The following CLASP2 variants were observed in gnomAD, a reference collection of about 807,000 sequenced individuals.
The protein encoded by CLASP2 is cytoplasmic linker associated protein 2, also known as CLIP-associating protein 2.
CLASP2 carries 47 observed loss-of-function variants against 194.4 expected under a neutral mutation model. That is an observed-to-expected ratio of 0.24 (90% CI 0.19 to 0.31). The LOEUF (loss-of-function observed/expected upper bound fraction) is 0.31. Ranked by LOEUF, CLASP2 falls within the 10% of genes least tolerant of loss-of-function variation. CLASP2 has a pLI of 1.00. For synonymous variants in CLASP2, 619 were observed against 633.5 expected (o/e 0.98, Z 0.34); for missense variants, 1,445 against 1,823.6 (o/e 0.79, Z 3.78).
At chr3:33,599,183 G>C (rs1356356050) in intron 18 of CLASP2, among the ~76,000 whole-genome samples, 1 of 152,094 alleles carries the variant, frequency 6.6e-6, no homozygotes, top group African/African-American at 2.4e-5. Context: ...GAAGTGCAGT[G>C]GTGTGATCAC....
Position 33,498,198 on chromosome 3 carries a change from A to G in CLASP2, c.*433T>C, listed in dbSNP as rs1425537569. The G allele has an allele frequency of 1.3e-5, 2 of 153,760 alleles. No individual in the cohort carries two copies. Among genetic ancestry groups the G allele is most frequent in the Non-Finnish European group, 2.9e-5 (2 of 69,004 alleles). The allele number at this position is 153,760 out of a possible 1,614,324, so 9.5% of individuals were successfully genotyped here. On this transcript the variant is annotated 3_prime_UTR_variant, in exon 39 of 39. Coordinates refer to ENST00000682230, the MANE Select transcript of CLASP2 (RefSeq NM_001365631.1). ...TAGGACATGATACGAAACAAAACTC[A>G]AAGTAGCAATAAAAATATTATTCTG...
intron 9 of CLASP2, chr3:33,627,331 A>C: frequency 2.4e-6 from 1 of 420,932 alleles, no homozygotes; most frequent in East Asian, 4.8e-5. Flanking sequence ...AATGCTTTGT[A>C]ATTTTAAAAA....
chr3:33,613,629 GAAT>G (rs1317137040), intron 12 of CLASP2, among the ~76,000 whole-genome samples: 2 of 152,190 alleles, frequency 1.3e-5, no homozygotes, highest in Admixed American at 1.3e-4. Flanking sequence ...TTGAAGATGA[GAAT>G]AATGCAAGAA....
chr3:33,523,142 G>T (rs1173301709), intron 34 of CLASP2, among the ~76,000 whole-genome samples: 2 of 152,104 alleles, frequency 1.3e-5, no homozygotes, highest in African/African-American at 4.8e-5. Context: ...ATTTGAGCAG[G>T]CAAAAGAATT....
chr3:33,589,637 A>G (rs185634426), intron 21 of CLASP2, among the ~76,000 whole-genome samples: 41 of 152,300 alleles, frequency 2.7e-4, no homozygotes, highest in Middle Eastern at 3.4e-3. Context: ...TTCTAATCTT[A>G]AAGTCCTATT....
chr3:33,645,608 C>T (rs1319744376), intron 7 of CLASP2: 1 of 317,294 alleles, frequency 3.2e-6, no homozygotes, highest in Non-Finnish European at 5.7e-6. Context: ...TATTCTATAT[C>T]AAAATTTCAA....
chr3:33,617,184 G>T (rs1337514274), intron 12 of CLASP2, among the ~76,000 whole-genome samples: 1 of 151,526 alleles, frequency 6.6e-6, no homozygotes, highest in Non-Finnish European at 1.5e-5. Flanking sequence ...TTTAAAATAT[G>T]AAAATAGTGA....
chr3:33,540,257 G>C, intron 32 of CLASP2, among the ~76,000 whole-genome samples: 2 of 104,848 alleles, frequency 1.9e-5, no homozygotes, highest in South Asian at 6.0e-4. Flanking sequence ...TTTTTTTTAA[G>C]GGACAGGGTC....
At chr3:33,627,170 ATTAAGT>A (rs58744671) in intron 9 of CLASP2, 90 bp from the exon 10 acceptor site, 208,825 of 748,506 alleles carry the variant, frequency 0.28, 31,098 homozygotes, top group Admixed American at 0.42. Flanking sequence ...TCTTTCACCT[ATTAAGT>A]TTATTTCCCA....
intron 23 of CLASP2, 83 bp from the exon 24 acceptor site, chr3:33,576,358 AG>A (rs1370668086): frequency 3.0e-6 from 3 of 1,004,944 alleles, no homozygotes; most frequent in Non-Finnish European, 4.5e-6. Flanking sequence ...AGACCTTTAC[AG>A]GGGAAGGAAA....
rs574484545 is a variant in CLASP2, at chr3:33,666,415, A to G, written c.645-2900T>C. 9.2e-5 allele frequency among the ~76,000 whole-genome samples: 14 copies of G among 152,316 alleles called. 1 individual carries two copies. The highest frequency in any genetic ancestry group is 6.8e-3 in the Middle Eastern group (2 of 294). ...AATCTACTTCCTTTCTCTAAAGACT[A>G]TATCTAGCCTATGAGTTGCCATATC... On this transcript the variant is annotated intron_variant, in intron 6 of 38. Transcript: ENST00000682230.
intron 7 of CLASP2, among the ~76,000 whole-genome samples, chr3:33,649,652 G>A (rs1357170903): frequency 1.3e-5 from 2 of 152,188 alleles, no homozygotes; most frequent in Non-Finnish European, 2.9e-5. Flanking sequence ...AAAGGGAACA[G>A]AATTCAAAAC....
intron 37 of CLASP2, 127 bp downstream of exon 37, chr3:33,510,425 AGTCTTT>A (rs1311728736): frequency 1.3e-6 from 1 of 782,152 alleles, no homozygotes; most frequent in African/African-American, 1.7e-5. Flanking sequence ...AGTTATGAAA[AGTCTTT>A]GTCCTGAATA....
intron 29 of CLASP2, 84 bp downstream of exon 29, chr3:33,559,223 T>C: frequency 1.1e-6 from 1 of 923,654 alleles, no homozygotes; most frequent in Non-Finnish European, 1.7e-6. Flanking sequence ...GCTTCTCATG[T>C]GACAGAAATA....
At chr3:33,504,036 T>C (rs2047479136) in intron 37 of CLASP2, 1 of 152,224 alleles carries the variant, frequency 6.6e-6, no homozygotes, top group South Asian at 2.1e-4. Context: ...CCTTTTGCTG[T>C]TGAGTTATAA....
In CLASP2 at chr3:33,510,688, C is replaced by G. The variant is rs1450641539; in HGVS notation, c.4187G>C (p.Cys1396Ser). 8 of 1,613,646 alleles carry G rather than the reference C, an allele frequency of 5.0e-6. No homozygotes were observed. Among genetic ancestry groups the G allele is most frequent in the Non-Finnish European group, 6.8e-6 (8 of 1,179,776 alleles). Residue 1396 changes from cysteine (C) to serine (S), a missense_variant, in exon 37 of 39, where the codon TGT becomes TCT. Physicochemically the swap from Cys to Ser is moderately radical, Grantham distance 112. This residue lies in a region of CLASP2 where 732 missense variants were observed against 987.9 expected (regional missense o/e 0.74). Coordinates refer to ENST00000682230, the MANE Select transcript of CLASP2 (RefSeq NM_001365631.1). ...GTAGTCTGCAGTTTGAATGATAGGA[C>G]AAAGCACTTTGATGCACTGCTCTGG... is the stretch of plus-strand genomic sequence containing the variant. Reference protein sequence around the residue: ...ISPEQCIKVLCPIIQTADYPI... With the variant: ...ISPEQCIKVLSPIIQTADYPI...
chr3:33,506,389 A>G (rs1427076252), intron 37 of CLASP2, among the ~76,000 whole-genome samples: 2 of 139,848 alleles, frequency 1.4e-5, no homozygotes, highest in Non-Finnish European at 3.0e-5. Context: ...AAAAAAAAAA[A>G]AAAAAAAAAA....
intron 7 of CLASP2, among the ~76,000 whole-genome samples, chr3:33,656,941 T>C (rs917388175): frequency 7.2e-5 from 11 of 152,172 alleles, no homozygotes; most frequent in African/African-American, 2.7e-4. Context: ...TTAGTATGTA[T>C]GTAAAGGCAC....
At chr3:33,544,929 C>T (rs193266893) in intron 30 of CLASP2, 88 bp from the exon 31 acceptor site, 10 of 865,936 alleles carry the variant, frequency 1.2e-5, no homozygotes, top group African/African-American at 7.0e-5. Flanking sequence ...TTCAATAGCA[C>T]GAAGCTTGAC....
Sources: gnomAD v4.1 joint callset for allele counts (sites outside exome capture counted in the v4.1 genomes callset) on GRCh38, gnomAD v4.1.1 for gene constraint, gnomAD v4.1.1 regional missense constraint, MANE v1.5 for transcripts, NCBI Gene and HGNC (gene_info 2026-07-23, HGNC 2026-07-21) for gene names.